Variants in ZAN observed in about 807,000 individuals in gnomAD.
ZAN encodes the protein zonadhesin (gene/pseudogene).
Under a neutral mutation model 286.2 loss-of-function variants are expected in ZAN, and 260 were observed. That is an observed-to-expected ratio of 0.91 (90% confidence interval 0.82 to 1.01). ZAN has a LOEUF of 1.01. Ranked by LOEUF, ZAN falls within the 50% of genes least tolerant of loss-of-function variation. The probability of loss-of-function intolerance (pLI) is 0.00; values close to 1 mark genes in which losing one functional copy is unlikely to be tolerated. For synonymous variants in ZAN, 1,368 were observed against 1,417.5 expected (o/e 0.97, Z 0.79); for missense variants, 3,410 against 3,639.2 (o/e 0.94, Z 1.62).
intron 15 of ZAN, among the ~76,000 whole-genome samples, chr7:100,755,807 AG>A (rs1809106609): frequency 6.6e-6 from 1 of 152,148 alleles, no homozygotes; most frequent in Non-Finnish European, 1.5e-5. Flanking sequence ...CCTGAGTTCA[AG>A]CAATCCTCCT....
intron 45 of ZAN, among the ~76,000 whole-genome samples, chr7:100,795,904 TA>T (rs200546151): frequency 1.4e-5 from 2 of 145,702 alleles, no homozygotes; most frequent in East Asian, 4.0e-4. Flanking sequence ...AGACTCCATC[TA>T]AAAAAAAATA....
chr7:100,756,146 A>G (rs926194431), intron 15 of ZAN, among the ~76,000 whole-genome samples: 20 of 152,164 alleles, frequency 1.3e-4, no homozygotes, highest in Non-Finnish European at 4.4e-5. Context: ...ACACAGTAAG[A>G]TTTTCTACCT....
At chr7:100,760,892 ATTC>A (rs568604610) in intron 19 of ZAN, among the ~76,000 whole-genome samples, 89 of 152,078 alleles carry the variant, frequency 5.9e-4, no homozygotes, top group African/African-American at 1.9e-3. Flanking sequence ...GGAAAGCAAG[ATTC>A]TTCTTCTTCT....
chr7:100,763,908 C>A lies in ZAN; in HGVS notation c.4089C>A (p.Gly1363=). 1 of 1,613,964 alleles carries A rather than the reference C, an allele frequency of 6.2e-7. No individual in the cohort carries two copies. The highest frequency in any genetic ancestry group is 8.5e-7 in the Non-Finnish European group (1 of 1,179,888). The change falls in exon 21 of 48, where the codon GGC becomes GGA. Residue 1363 remains glycine, a synonymous_variant. Coordinates refer to ENST00000613979, the MANE Select transcript of ZAN (RefSeq NM_003386.3). This position sits in a 1 kb window ranked among gnomAD's most constrained non-coding sequence, Gnocchi z 4.6. Reference sequence around the variant, plus strand: ...GTGGACGGCTGGTCGACACTCATGGCCCATTTGAGTATGAAGGAGGGCAGG... The same window carrying A: ...GTGGACGGCTGGTCGACACTCATGGACCATTTGAGTATGAAGGAGGGCAGG... ...GFCGRLVDTH[G]PFETCLLHVK... is the part of the protein sequence containing the mutation.
At chr7:100,793,428 G>A (rs1227162077) in intron 42 of ZAN, among the ~76,000 whole-genome samples, 2 of 152,092 alleles carry the variant, frequency 1.3e-5, no homozygotes, top group Non-Finnish European at 2.9e-5. Context: ...ATGCAACGCT[G>A]AGTGTTTTTG....
intron 3 of ZAN, 124 bp downstream of exon 3, chr7:100,735,896 G>C: frequency 1.3e-6 from 1 of 766,964 alleles, no homozygotes; most frequent in East Asian, 2.9e-5. Flanking sequence ...CCGGGCATCA[G>C]CCAGGACTAC....
rs760170780 is a variant in ZAN at position 100,739,216 on chromosome 7, T to A, written c.766+603T>A. On this transcript the variant is annotated intron_variant, in intron 7 of 47. Coordinates refer to ENST00000613979, the MANE Select transcript of ZAN (RefSeq NM_003386.3). ...TGGTACAGACAGGGTTTCACCATGT[T>A]GGCCAGGCTGGTCTCGAACTCCGGA... Among the ~76,000 whole-genome samples, 14 of 135,668 alleles carry A rather than the reference T, an allele frequency of 1.0e-4. 3 individuals are homozygous for A. The highest frequency in any genetic ancestry group is 2.3e-4 in the Non-Finnish European group (14 of 61,172). The allele number at this position is 135,668 out of a possible 152,430, so 89.0% of individuals were successfully genotyped here.
Position 100,760,427 on chromosome 7 carries a change from T to A in ZAN, c.3733T>A (p.Ser1245Thr). Residue 1245 changes from serine to threonine, a missense_variant, in exon 19 of 48, where the codon TCT (serine) becomes ACT (threonine). Ser to Thr is a moderately conservative substitution (Grantham distance 58). Coordinates refer to ENST00000613979, the MANE Select transcript of ZAN (RefSeq NM_003386.3). Reference sequence around the variant, plus strand: ...GCAAGTTACTCTCCCAGCCATACCCTCTAAAGGCGTCTTCCTGGGTGCAAG... The same window carrying A: ...GCAAGTTACTCTCCCAGCCATACCCACTAAAGGCGTCTTCCTGGGTGCAAG... Reference protein sequence around the residue: ...GQQVTLPAIPSKGVFLGASGR... With the variant: ...GQQVTLPAIPTKGVFLGASGR... 6.2e-7 allele frequency: 1 copy of A among 1,613,874 alleles called. No homozygotes were observed. Among genetic ancestry groups the A allele is most frequent in the Non-Finnish European group, 8.5e-7 (1 of 1,179,868 alleles).
chr7:100,762,108 C>T lies in ZAN; in HGVS notation c.3843-107C>T. On this transcript the variant is annotated intron_variant, in intron 19 of 47. Transcript: ENST00000613979. ...CCAGTCCGCACCTCTTCATCCTCCTCACGCCCTCTGTTTTAGGATCCCAGC... is the reference window on the plus strand; with the variant it reads ...CCAGTCCGCACCTCTTCATCCTCCTTACGCCCTCTGTTTTAGGATCCCAGC... 3 of 1,421,180 alleles carry T rather than the reference C, an allele frequency of 2.1e-6. No individual in the cohort carries two copies. The South Asian group carries it at 3.6e-5, about 17-fold the overall frequency. 88.0% of individuals were successfully genotyped at this position (1,421,180 alleles called of 1,614,324 possible).
Position 100,748,356 on chromosome 7 carries a change from G to T in ZAN, c.1135G>T (p.Ala379Ser), listed in dbSNP as rs200902017. The T allele has an allele frequency of 5.6e-6, 9 of 1,613,846 alleles. No individual in the cohort carries two copies. The highest frequency in any genetic ancestry group is 1.3e-5 in the African/African-American group (1 of 74,918). Residue 379 changes from alanine (A) to serine (S), a missense_variant, in exon 11 of 48, where the codon GCC becomes TCC. Around this residue, in one of 7 missense-constraint regions of ZAN, gnomAD observed 872 missense variants for 938.9 expected, o/e 0.93. Coordinates refer to ENST00000613979, the MANE Select transcript of ZAN (RefSeq NM_003386.3). ...TCCTCAGTGTGACTTTGAAGACAAC[G>T]CCCATCCCTTCTGTGACTGGGTCCA... is the stretch of plus-strand genomic sequence containing the variant. ...GFPQCDFEDN[A>S]HPFCDWVQTS...
intron 37 of ZAN, among the ~76,000 whole-genome samples, chr7:100,787,306 A>C (rs769028722): frequency 2.7e-5 from 4 of 150,792 alleles, no homozygotes; most frequent in Non-Finnish European, 5.9e-5. Flanking sequence ...GTGCGCACCT[A>C]AAGTCCCAGC....
intron 9 of ZAN, 102 bp downstream of exon 9, chr7:100,747,743 T>C: frequency 7.7e-6 from 9 of 1,170,234 alleles, no homozygotes; most frequent in Non-Finnish European, 8.8e-6. Context: ...GTATTCCCAA[T>C]ACTTTGGGAG....
chr7:100,738,025 C>T (rs1172653621), intron 6 of ZAN, among the ~76,000 whole-genome samples: 5 of 140,106 alleles, frequency 3.6e-5, no homozygotes, highest in African/African-American at 1.0e-4. Flanking sequence ...GGCACGATCT[C>T]GGCTCACTGC....
intron 37 of ZAN, among the ~76,000 whole-genome samples, chr7:100,787,133 G>A (rs1811610754): frequency 1.3e-5 from 2 of 151,410 alleles, no homozygotes; most frequent in Non-Finnish European, 2.9e-5. Context: ...AAAAAAAAAA[G>A]TCTAGGTACC....
At position 100,779,450 on chromosome 7, in the gene ZAN, C is replaced by A; in HGVS notation, c.6322C>A (p.Gln2108Lys). The A allele has an allele frequency of 6.2e-7, 1 of 1,601,278 alleles. No homozygotes were observed. The highest frequency in any genetic ancestry group is 1.1e-5 in the South Asian group (1 of 90,586). Reference protein sequence around the residue: ...WKDKDIDPSCQSLLVDEQQIP... With the variant: ...WKDKDIDPSCKSLLVDEQQIP... ...CTGATTCTTTTCCCTTCCCAGTTGT[C>A]AGAGTCTCCTGGTAGATGAGCAGCA... Residue 2108 changes from glutamine (Q) to lysine (K), a missense_variant, in exon 35 of 48, where the codon CAG becomes AAG. Coordinates refer to ENST00000613979, the MANE Select transcript of ZAN (RefSeq NM_003386.3).
In ZAN at chr7:100,738,374, C is replaced by T. The variant is rs1370749528; in HGVS notation, c.614-87C>T. 1.6e-6 allele frequency: 2 copies of T among 1,253,206 alleles called. 1 individual carries two copies. Among genetic ancestry groups the T allele is most frequent in the African/African-American group, 3.0e-5 (2 of 65,718 alleles). The allele number at this position is 1,253,206 out of a possible 1,614,324, so 77.6% of individuals were successfully genotyped here. ...TCGAGGCCGCAGTGAGCTATGATCA[C>T]ACCACTGTACTCTAGCCTGGGTGAC... On this transcript the variant is annotated intron_variant, in intron 6 of 47. Coordinates refer to ENST00000613979, the MANE Select transcript of ZAN (RefSeq NM_003386.3).
intron 45 of ZAN, 122 bp downstream of exon 45, chr7:100,795,458 ATAT>A: frequency 3.1e-6 from 3 of 972,054 alleles, no homozygotes; most frequent in South Asian, 4.8e-5. Context: ...TATGTTACAG[ATAT>A]TATATATTAT....
At chr7:100,761,742 G>T (rs2115972243) in intron 19 of ZAN, among the ~76,000 whole-genome samples, 1 of 152,076 alleles carries the variant, frequency 6.6e-6, no homozygotes, top group Non-Finnish European at 1.5e-5. Context: ...TTTGAGACCA[G>T]CCTGGCCAAC....
chr7:100,747,546 G>T lies in ZAN; in HGVS notation c.932-4G>T. 1 of 1,613,586 alleles carries T rather than the reference G, an allele frequency of 6.2e-7. No individual in the cohort carries two copies. The highest frequency in any genetic ancestry group is 1.1e-5 in the South Asian group (1 of 91,066). ...ACTTCTCCTTCCAATTCCTTTCACT[G>T]CAGGGAGTATCCGGAAACACACTCT... On this transcript the variant is annotated splice_region_variant and splice_polypyrimidine_tract_variant and intron_variant, in intron 8 of 47. Transcript: ENST00000613979.
Sources: gnomAD v4.1 joint callset for allele counts (sites outside exome capture counted in the v4.1 genomes callset) on GRCh38, gnomAD v4.1.1 for gene constraint, gnomAD v4.1.1 regional missense constraint, Gnocchi (gnomAD v3.1) non-coding constraint, MANE v1.5 for transcripts, NCBI Gene and HGNC (gene_info 2026-07-23, HGNC 2026-07-21) for gene names.